Variants in PLGRKT observed in about 807,000 individuals in gnomAD.
The protein encoded by PLGRKT is plasminogen receptor with a C-terminal lysine.
A neutral mutation model predicts 18.5 loss-of-function variants in PLGRKT; 22 were observed. That is an observed-to-expected ratio of 1.19 (90% CI 0.85 to 1.70). The LOEUF (loss-of-function observed/expected upper bound fraction) is 1.70, where lower values mean the gene tolerates loss of function less well. PLGRKT is among the 40% of genes most tolerant of loss of function. The pLI is 0.00. For missense variants in PLGRKT, 235 were observed against 174.4 expected, an observed-to-expected ratio of 1.35 and a Z score of -1.96; for synonymous variants, 72 against 52.8, an observed-to-expected ratio of 1.36 and a Z score of -1.58.
chr9:5,424,668 T>TTA (rs375682412), intron 3 of PLGRKT, among the ~76,000 whole-genome samples: 13,681 of 112,952 alleles, frequency 0.12, 1,025 homozygotes, highest in Admixed American at 0.16. Context: ...ATTATATATT[T>TTA]TATATATATA....
intron 3 of PLGRKT, among the ~76,000 whole-genome samples, chr9:5,407,543 T>A (rs563755997): frequency 6.6e-5 from 10 of 152,268 alleles, no homozygotes; most frequent in African/African-American, 2.4e-4. Flanking sequence ...TAAAAAGTGT[T>A]GAGTAAATAA....
intron 3 of PLGRKT, among the ~76,000 whole-genome samples, chr9:5,380,581 C>A (rs183068931): frequency 6.6e-6 from 1 of 152,034 alleles, no homozygotes; most frequent in East Asian, 1.9e-4. Context: ...TGCTTCACCC[C>A]CTAAACACCC....
intron 3 of PLGRKT, among the ~76,000 whole-genome samples, chr9:5,430,231 T>C (rs1818794263): frequency 6.6e-6 from 1 of 152,058 alleles, no homozygotes; most frequent in Non-Finnish European, 1.5e-5. Flanking sequence ...AGCTTGCAAG[T>C]AGGGTAAAAT....
chr9:5,374,661 G>C (rs750504591), intron 3 of PLGRKT, among the ~76,000 whole-genome samples: 1 of 152,144 alleles, frequency 6.6e-6, no homozygotes, highest in Non-Finnish European at 1.5e-5. Flanking sequence ...TCATGGTGCA[G>C]GTTATTTCCA....
At chr9:5,432,572 G>A (rs79225723) in intron 2 of PLGRKT, among the ~76,000 whole-genome samples, 65 of 145,552 alleles carry the variant, frequency 4.5e-4, no homozygotes, top group African/African-American at 1.6e-3. Context: ...ATCTCGGCTC[G>A]CTGCAACCTC....
chr9:5,372,601 C>T (rs981980748), intron 3 of PLGRKT, among the ~76,000 whole-genome samples: 1 of 152,194 alleles, frequency 6.6e-6, no homozygotes, highest in African/African-American at 2.4e-5. Context: ...ACAGCTACTG[C>T]CTCCTGCCAC....
chr9:5,391,286 T>C (rs1817945235), intron 3 of PLGRKT, among the ~76,000 whole-genome samples: 1 of 151,928 alleles, frequency 6.6e-6, no homozygotes, highest in Non-Finnish European at 1.5e-5. Context: ...GCACTTGGTT[T>C]CTTGGAGTGG....
intron 3 of PLGRKT, among the ~76,000 whole-genome samples, chr9:5,365,808 A>C (rs1817373447): frequency 6.6e-6 from 1 of 152,138 alleles, no homozygotes; most frequent in African/African-American, 2.4e-5. Context: ...TAAAAACCTA[A>C]AACTACTCTC....
chr9:5,372,818 A>T lies in PLGRKT; in HGVS notation c.82-10930T>A, dbSNP rs114873944. On this transcript the variant is annotated intron_variant, in intron 3 of 5. Transcript: ENST00000223864. ...GCTTTCTAGCCTCTGTTGTATAGGC[A>T]GGCATGCTATTAGGGAGTTGGAATG... 5.4e-3 allele frequency among the ~76,000 whole-genome samples: 818 copies of T among 152,328 alleles called. 10 individuals are homozygous for T. The highest frequency in any genetic ancestry group is 0.019 in the African/African-American group (770 of 41,572).
At chr9:5,382,469 G>A (rs1456868294) in intron 3 of PLGRKT, among the ~76,000 whole-genome samples, 1 of 152,200 alleles carries the variant, frequency 6.6e-6, no homozygotes, top group African/African-American at 2.4e-5. Context: ...CAGGCAGAGG[G>A]AACAGCATGG....
intron 3 of PLGRKT, among the ~76,000 whole-genome samples, chr9:5,377,481 T>C (rs1817652137): frequency 6.6e-6 from 1 of 152,192 alleles, no homozygotes; most frequent in Non-Finnish European, 1.5e-5. Context: ...TATTTATCTA[T>C]ATAAAAATAA....
At chr9:5,393,999 T>G (rs531285450) in intron 3 of PLGRKT, among the ~76,000 whole-genome samples, 1 of 151,998 alleles carries the variant, frequency 6.6e-6, no homozygotes, top group Non-Finnish European at 1.5e-5. Context: ...CTCCTTCAGT[T>G]GGTGAATCTC....
chr9:5,427,197 T>C (rs1818718351), intron 3 of PLGRKT, among the ~76,000 whole-genome samples: 1 of 152,242 alleles, frequency 6.6e-6, no homozygotes, highest in African/African-American at 2.4e-5. Flanking sequence ...CCTTGTCTAG[T>C]GTAGCCAAGC....
chr9:5,379,012 T>C (rs896760569), intron 3 of PLGRKT, among the ~76,000 whole-genome samples: 3 of 152,096 alleles, frequency 2.0e-5, no homozygotes, highest in Non-Finnish European at 2.9e-5. Context: ...TTTTTAACCA[T>C]AGTACAGTAA....
chr9:5,359,728 C>T (rs1817221629), intron 5 of PLGRKT, among the ~76,000 whole-genome samples: 1 of 151,976 alleles, frequency 6.6e-6, no homozygotes, highest in Non-Finnish European at 1.5e-5. Flanking sequence ...CAGGAAATTC[C>T]CACAAAAATT....
Position 5,391,975 on chromosome 9 carries a change from AGAG to A in PLGRKT, c.82-30090_82-30088del, listed in dbSNP as rs1404146640. Among the ~76,000 whole-genome samples the A allele has an allele frequency of 1.3e-4, 20 of 152,000 alleles. No homozygotes were observed. In the East Asian group the frequency reaches 1.4e-3, roughly 10 times the overall value. The stretch of plus-strand genomic sequence containing the variant: ...TCTCCTTAGCTGCAAGGATGCACAG[AGAG>A]GAGAAGTTGGTCTGGCCTGGGCAAC... On this transcript the variant is annotated intron_variant, in intron 3 of 5. Coordinates refer to ENST00000223864, the MANE Select transcript of PLGRKT (RefSeq NM_018465.4).
chr9:5,389,220 A>C (rs1266409620), intron 3 of PLGRKT, among the ~76,000 whole-genome samples: 1 of 151,950 alleles, frequency 6.6e-6, no homozygotes, highest in African/African-American at 2.4e-5. Context: ...ACAGTGAAAA[A>C]TAGTAAGGCT....
At chr9:5,437,401 C>T (rs1818980894) in intron 1 of PLGRKT, among the ~76,000 whole-genome samples, 1 of 152,174 alleles carries the variant, frequency 6.6e-6, no homozygotes, top group South Asian at 2.1e-4. Flanking sequence ...AGCCACATCC[C>T]CTTGCAAATT....
chr9:5,438,145 A>T (rs935261391), upstream of PLGRKT, among the ~76,000 whole-genome samples: 1 of 152,200 alleles, frequency 6.6e-6, no homozygotes, highest in Non-Finnish European at 1.5e-5. Flanking sequence ...TCATCTGTTA[A>T]ATTGGCACTA....
Sources: allele counts gnomAD v4.1 joint callset (sites outside exome capture counted in the v4.1 genomes callset), GRCh38; gene constraint gnomAD v4.1.1; transcripts MANE v1.5; gene names NCBI Gene and HGNC (gene_info 2026-07-23, HGNC 2026-07-21).